Variants in VMA22 observed in about 807,000 individuals in gnomAD.
The protein encoded by VMA22 is vacuolar ATPase assembly protein VMA22.
chr2:130,342,093 A>G, the VMA22 span: 3 of 1,613,722 alleles, frequency 1.9e-6, no homozygotes, highest in Non-Finnish European at 1.7e-6. Context: ...GGACCAGCGA[A>G]TCCAGCTCCG....
the VMA22 span, chr2:130,339,479 TAAA>T: frequency 2.9e-6 from 4 of 1,376,852 alleles, no homozygotes; most frequent in Non-Finnish European, 3.8e-6. Flanking sequence ...CACCAGGAAC[TAAA>T]AATTCACAGA....
the VMA22 span, chr2:130,342,403 G>GT: frequency 1.7e-5 from 10 of 573,466 alleles, no homozygotes; most frequent in Non-Finnish European, 2.8e-5. Context: ...GAGTCCTTCC[G>GT]GAAGCTGCCG....
chr2:130,338,868 C>A, the VMA22 span: 5 of 476,740 alleles, frequency 1.0e-5, no homozygotes, highest in African/African-American at 2.0e-5. Flanking sequence ...CTAACGTGTA[C>A]CTGCCTATGT....
chr2:130,342,430 C>A, the VMA22 span: 1 of 563,908 alleles, frequency 1.8e-6, no homozygotes, highest in Non-Finnish European at 3.1e-6. Context: ...AGAAGTCGCG[C>A]CACTGTTGTG....
the VMA22 span, chr2:130,338,497 TGGCCC>T: frequency 1.3e-5 from 2 of 152,142 alleles, no homozygotes; most frequent in African/African-American, 4.8e-5. Context: ...AAAACACAAG[TGGCCC>T]TTCAAAAAAA....
chr2:130,339,838 C>T, the VMA22 span: 3 of 1,274,534 alleles, frequency 2.4e-6, no homozygotes, highest in Non-Finnish European at 3.1e-6. Flanking sequence ...TCCATACTCC[C>T]CAGGCCCTCT....
chr2:130,338,987 G>C, the VMA22 span: 1 of 659,146 alleles, frequency 1.5e-6, no homozygotes, highest in Non-Finnish European at 2.7e-6. Context: ...GAAACATGCA[G>C]AGCAGGGACA....
chr2:130,341,301 C>G, the VMA22 span: 5 of 555,760 alleles, frequency 9.0e-6, no homozygotes, highest in Admixed American at 1.4e-4. Context: ...CTGATCTTAC[C>G]CATTGTACCT....
chr2:130,339,338 CCCA>C, the VMA22 span: 11 of 1,339,158 alleles, frequency 8.2e-6, no homozygotes, highest in Non-Finnish European at 1.1e-5. Context: ...CTCTCTGCCC[CCCA>C]CACTTGTCCC....
chr2:130,341,647 AGAAG>A, the VMA22 span: 1 of 1,599,076 alleles, frequency 6.3e-7, no homozygotes, highest in East Asian at 2.2e-5. Flanking sequence ...GGGGTTCTGC[AGAAG>A]GAAGAGGGGG....
chr2:130,341,799 G>T, the VMA22 span: 3 of 1,432,210 alleles, frequency 2.1e-6, no homozygotes, highest in South Asian at 3.7e-5. Flanking sequence ...GGCCTAGAAC[G>T]CGCCCGCCCG....
chr2:130,338,665 T>C, the VMA22 span: 1 of 156,754 alleles, frequency 6.4e-6, no homozygotes, highest in Non-Finnish European at 1.4e-5. Flanking sequence ...CAGGTGTTTG[T>C]GTCCTTGTGG....
the VMA22 span, chr2:130,341,801 G>GGGCCCCCCCCCCCCCCCC: frequency 1.5e-6 from 2 of 1,378,128 alleles, no homozygotes; most frequent in Non-Finnish European, 2.0e-6. Flanking sequence ...CCTAGAACGC[G>GGGCCCCCCCCCCCCCCCC]CCCGCCCGCC....
the VMA22 span, chr2:130,341,801 G>GGGGGGGGGGCCCC: frequency 1.5e-6 from 2 of 1,378,128 alleles, no homozygotes; most frequent in Non-Finnish European, 2.0e-6. Flanking sequence ...CCTAGAACGC[G>GGGGGGGGGGCCCC]CCCGCCCGCC....
the VMA22 span, chr2:130,342,426 C>T: frequency 1.8e-6 from 1 of 563,762 alleles, no homozygotes; most frequent in Non-Finnish European, 3.1e-6. Flanking sequence ...TCTTAGAAGT[C>T]GCGCCACTGT....
At chr2:130,339,794 G>T in the VMA22 span, 1 of 1,301,218 alleles carries the variant, frequency 7.7e-7, no homozygotes, top group Non-Finnish European at 1.0e-6. Context: ...CAGTTTCCTT[G>T]ACTGGCTTCT....
the VMA22 span, chr2:130,341,460 TA>T: frequency 3.4e-6 from 2 of 582,860 alleles, no homozygotes; most frequent in African/African-American, 3.8e-5. Flanking sequence ...TATGTGATTG[TA>T]AATCTATTCC....
chr2:130,342,066 G>A, the VMA22 span: 6 of 1,613,720 alleles, frequency 3.7e-6, no homozygotes, highest in Admixed American at 1.0e-4. Context: ...GCTCCTCCAG[G>A]TCCCCAAGCA....
the VMA22 span, chr2:130,338,633 T>C: frequency 6.5e-6 from 1 of 153,868 alleles, no homozygotes; most frequent in South Asian, 2.0e-4. Context: ...GCTTAGACCC[T>C]GCCAAGGGCT....
Sources: gnomAD v4.1 joint callset for allele counts on GRCh38, gnomAD v4.1.1 for gene constraint, MANE v1.5 for transcripts, NCBI Gene and HGNC (gene_info 2026-07-23, HGNC 2026-07-21) for gene names.